Variants in C1QTNF3 observed in about 807,000 individuals in gnomAD.
C1QTNF3 encodes the protein complement C1q tumor necrosis factor-related protein 3.
Under a neutral mutation model 32.6 loss-of-function variants are expected in C1QTNF3, and 26 were observed. The ratio of observed to expected loss-of-function variants is 0.80; its 90% CI spans 0.58 to 1.11. The LOEUF (loss-of-function observed/expected upper bound fraction) is 1.11, where lower values mean the gene tolerates loss of function less well. C1QTNF3 is among the 50% of genes least tolerant of loss of function. The probability of loss-of-function intolerance (pLI) is 0.00; values close to 1 mark genes in which losing one functional copy is unlikely to be tolerated. For synonymous variants in C1QTNF3, 155 were observed against 146.0 expected (o/e 1.06, Z -0.44); for missense variants, 362 against 398.2 (o/e 0.91, Z 0.77).
the C1QTNF3 span, among the ~76,000 whole-genome samples, chr5:34,114,442 T>C: frequency 2.6e-5 from 4 of 152,308 alleles, no homozygotes; most frequent in East Asian, 1.9e-4. Context: ...TTTTGTTTCA[T>C]GAATATGTAC....
chr5:34,129,731 T>C, the C1QTNF3 span, among the ~76,000 whole-genome samples: 4 of 151,954 alleles, frequency 2.6e-5, no homozygotes, highest in East Asian at 5.8e-4. Context: ...TATAAATATA[T>C]ATAATGATAT....
At chr5:34,055,335 T>C in the C1QTNF3 span, among the ~76,000 whole-genome samples, 1 of 152,330 alleles carries the variant, frequency 6.6e-6, no homozygotes, top group African/African-American at 2.4e-5. Flanking sequence ...ACTTAAGTAC[T>C]ACACTGGACA....
At chr5:34,214,127 T>C in the C1QTNF3 span, among the ~76,000 whole-genome samples, 2 of 151,690 alleles carry the variant, frequency 1.3e-5, no homozygotes, top group Non-Finnish European at 2.9e-5. Flanking sequence ...ATAAATCTTA[T>C]AGAAATATTT....
Position 34,017,981 on chromosome 5 carries a change from T to C in C1QTNF3, c.*2602A>G, listed in dbSNP as rs945802956. On this transcript the variant is annotated 3_prime_UTR_variant, in exon 6 of 6. Coordinates refer to ENST00000382065, the MANE Select transcript of C1QTNF3 (RefSeq NM_181435.6). ...ATAAATTATGCAGTCATTAAAATTATGTTTTCAAATTGTCCTTAGTAGCAT... is the reference window on the plus strand; with the variant it reads ...ATAAATTATGCAGTCATTAAAATTACGTTTTCAAATTGTCCTTAGTAGCAT... Among the ~76,000 whole-genome samples, 3 of 151,668 alleles carry C rather than the reference T, an allele frequency of 2.0e-5. No homozygotes were observed. Among genetic ancestry groups the C allele is most frequent in the South Asian group, 2.1e-4 (1 of 4,836 alleles).
the C1QTNF3 span, among the ~76,000 whole-genome samples, chr5:34,220,738 A>G: frequency 1.3e-5 from 2 of 152,212 alleles, no homozygotes; most frequent in East Asian, 3.9e-4. Context: ...AGTTTTGGAA[A>G]TAATTCCTAA....
In C1QTNF3 at chr5:34,018,947, T is replaced by G. The variant is rs1754259834; in HGVS notation, c.*1636A>C. ...TTCCAGACCGGCCTGGTCAACATGG[T>G]GAAACCCCATCTCTATTAGAAACAT... On this transcript the variant is annotated 3_prime_UTR_variant, in exon 6 of 6. Transcript: ENST00000382065. 6.6e-6 allele frequency among the ~76,000 whole-genome samples: 1 copy of G among 152,104 alleles called. No homozygotes were observed. Among genetic ancestry groups the G allele is most frequent in the African/African-American group, 2.4e-5 (1 of 41,406 alleles).
chr5:34,054,728 TG>T, the C1QTNF3 span, among the ~76,000 whole-genome samples: 973 of 150,864 alleles, frequency 6.4e-3, 11 homozygotes, highest in South Asian at 0.054. Context: ...CAATAAGTGG[TG>T]ATTCTAAACC....
At chr5:34,021,677 C>T (rs1754332171) in intron 5 of C1QTNF3, among the ~76,000 whole-genome samples, 1 of 152,190 alleles carries the variant, frequency 6.6e-6, no homozygotes, top group Non-Finnish European at 1.5e-5. Flanking sequence ...GAAAACCAAA[C>T]ACCGCATATT....
chr5:34,133,608 T>C, the C1QTNF3 span, among the ~76,000 whole-genome samples: 4 of 152,198 alleles, frequency 2.6e-5, no homozygotes, highest in South Asian at 4.1e-4. Flanking sequence ...AGTGTCTAGT[T>C]ACTAAAAGGA....
the C1QTNF3 span, among the ~76,000 whole-genome samples, chr5:34,204,088 C>G: frequency 1.3e-5 from 2 of 151,964 alleles, no homozygotes; most frequent in Non-Finnish European, 2.9e-5. Context: ...ACTTTACCAT[C>G]TCACTCACAG....
the C1QTNF3 span, among the ~76,000 whole-genome samples, chr5:34,121,715 T>C: frequency 2.6e-5 from 4 of 152,194 alleles, no homozygotes; most frequent in Non-Finnish European, 5.9e-5. Flanking sequence ...TTACCTGTTA[T>C]GGTCTGAACA....
chr5:34,102,327 CTAA>C, the C1QTNF3 span, among the ~76,000 whole-genome samples: 1 of 152,034 alleles, frequency 6.6e-6, no homozygotes, highest in African/African-American at 2.4e-5. Flanking sequence ...ACACAGAATA[CTAA>C]TATTATTAAA....
the C1QTNF3 span, among the ~76,000 whole-genome samples, chr5:34,064,263 C>T: frequency 1.3e-5 from 2 of 152,138 alleles, no homozygotes; most frequent in African/African-American, 4.8e-5. Flanking sequence ...TATTACTCAC[C>T]ACTTTGAAGA....
At chr5:34,136,510 G>T in the C1QTNF3 span, among the ~76,000 whole-genome samples, 3 of 126,992 alleles carry the variant, frequency 2.4e-5, no homozygotes, top group Admixed American at 2.4e-4. Context: ...ACAGATGCTG[G>T]AAAGGATGTG....
At chr5:34,202,673 T>A in the C1QTNF3 span, among the ~76,000 whole-genome samples, 2 of 152,146 alleles carry the variant, frequency 1.3e-5, no homozygotes, top group South Asian at 2.1e-4. Context: ...GATATGTATA[T>A]GTTAACTTTT....
intron 3 of C1QTNF3, among the ~76,000 whole-genome samples, chr5:34,030,516 G>T (rs1333501950): frequency 6.6e-6 from 1 of 152,070 alleles, no homozygotes; most frequent in Non-Finnish European, 1.5e-5. Flanking sequence ...TCCTCCTCTT[G>T]CCACCACTAC....
the C1QTNF3 span, among the ~76,000 whole-genome samples, chr5:34,124,805 C>T: frequency 2.0e-5 from 3 of 152,270 alleles, no homozygotes; most frequent in East Asian, 3.9e-4. Flanking sequence ...GTAATCTGAC[C>T]TATTTTGGGG....
At chr5:34,134,871 G>A in the C1QTNF3 span, among the ~76,000 whole-genome samples, 194 of 152,306 alleles carry the variant, frequency 1.3e-3, no homozygotes, top group African/African-American at 4.4e-3. Context: ...TCTGCAAACA[G>A]GGACAATTTG....
chr5:34,132,590 C>T, the C1QTNF3 span, among the ~76,000 whole-genome samples: 4 of 151,820 alleles, frequency 2.6e-5, no homozygotes, highest in Non-Finnish European at 4.4e-5. Flanking sequence ...TGCCTGTATA[C>T]TTATACCAAA....
Sources: allele counts gnomAD v4.1 joint callset (sites outside exome capture counted in the v4.1 genomes callset), GRCh38; gene constraint gnomAD v4.1.1; transcripts MANE v1.5; gene names NCBI Gene and HGNC (gene_info 2026-07-23, HGNC 2026-07-21).